TENM1: variants seen among roughly 807,000 people sequenced by gnomAD.
The protein encoded by TENM1 is teneurin-1.
Under a neutral mutation model 174.8 loss-of-function variants are expected in TENM1, and 35 were observed. The observed-to-expected ratio is 0.20, with a 90% CI of 0.15 to 0.27. TENM1 has a LOEUF of 0.27. TENM1 is among the 10% of genes least tolerant of loss of function. The pLI, the probability that TENM1 is intolerant of heterozygous loss-of-function variation, is 1.00. For missense variants in TENM1, 1,633 were observed against 2,130.1 expected (o/e 0.77, Z 4.59); for synonymous variants, 781 against 798.7 (o/e 0.98, Z 0.37).
intron 3 of TENM1, among the ~76,000 whole-genome samples, chrX:124,781,620 A>G (rs2054914308): frequency 9.0e-6 from 1 of 111,408 alleles, no homozygotes; most frequent in African/African-American, 3.3e-5. Flanking sequence ...CTAGGCTATC[A>G]ACCTATTGCT....
the TENM1 span, among the ~76,000 whole-genome samples, chrX:124,984,764 T>G: frequency 2.8e-4 from 32 of 112,360 alleles, no homozygotes; most frequent in Middle Eastern, 4.7e-3. Flanking sequence ...ATATCACTGG[T>G]AGCTGGAACA....
At chrX:124,715,864 T>C (rs1248615629) in intron 4 of TENM1, among the ~76,000 whole-genome samples, 1 of 111,276 alleles carries the variant, frequency 9.0e-6, no homozygotes, top group Non-Finnish European at 1.9e-5. Flanking sequence ...GTATCATTTA[T>C]TTTTATTGAG....
At chrX:124,896,189 G>A (rs1318040286) in exon 2 of TENM1, 5 of 1,211,099 alleles carry the variant, frequency 4.1e-6, no homozygotes, top group Admixed American at 2.2e-5. Flanking sequence ...CGCTGTGCAT[G>A]TCTGTTTGGT....
chrX:124,580,011 A>G (rs2858408), intron 11 of TENM1, among the ~76,000 whole-genome samples: 28,306 of 110,566 alleles, frequency 0.26, 2,782 homozygotes, highest in South Asian at 0.44. Flanking sequence ...GCATATGGAT[A>G]GGCATTTACT....
At chrX:124,477,231 T>C (rs2046745830) in intron 22 of TENM1, among the ~76,000 whole-genome samples, 2 of 112,502 alleles carry the variant, frequency 1.8e-5, no homozygotes, top group Non-Finnish European at 3.8e-5. Context: ...AGTGACAAGG[T>C]TTCCTGGAGA....
chrX:124,648,832 T>C (rs1227116499), intron 8 of TENM1, among the ~76,000 whole-genome samples: 3 of 112,178 alleles, frequency 2.7e-5, no homozygotes, highest in African/African-American at 6.5e-5. Flanking sequence ...CTTGTGGGAA[T>C]GTAGCTCTTC....
Position 124,420,304 on chromosome X carries a change from A to C in TENM1, c.4982+7T>G. 1 of 1,190,779 alleles carries C rather than the reference A, an allele frequency of 8.4e-7. No homozygotes were observed. The highest frequency in any genetic ancestry group is 1.1e-6 in the Non-Finnish European group (1 of 883,732). On this transcript the variant is annotated splice_region_variant and intron_variant, in intron 25 of 31. Transcript: ENST00000422452. ...AACAAAGCCCATGTCAAGAATTAGA[A>C]ACTTACTCATAAACGGTTGTCCATC...
chrX:124,998,938 G>T, the TENM1 span, among the ~76,000 whole-genome samples: 1 of 111,270 alleles, frequency 9.0e-6, no homozygotes, highest in African/African-American at 3.3e-5. Context: ...TTCACTAGGA[G>T]GAATCTTTCT....
chrX:124,465,291 C>A (rs771531528), intron 22 of TENM1, among the ~76,000 whole-genome samples: 1 of 111,923 alleles, frequency 8.9e-6, no homozygotes. Flanking sequence ...CTCTGTCGCC[C>A]AGGCTGGAGT....
chrX:124,409,380 A>C (rs1372657590), intron 25 of TENM1, among the ~76,000 whole-genome samples: 1 of 108,515 alleles, frequency 9.2e-6, no homozygotes, highest in African/African-American at 3.4e-5. Flanking sequence ...ATCTCAAAAT[A>C]ATAAGAGCTA....
At chrX:124,903,770 G>T (rs1164545574) in intron 1 of TENM1, among the ~76,000 whole-genome samples, 1 of 111,838 alleles carries the variant, frequency 8.9e-6, no homozygotes, top group Non-Finnish European at 1.9e-5. Flanking sequence ...GACTTCAACA[G>T]AAATTTAGAT....
the TENM1 span, among the ~76,000 whole-genome samples, chrX:125,111,616 G>T: frequency 2.2e-4 from 25 of 111,314 alleles, no homozygotes; most frequent in Non-Finnish European, 4.7e-4. Context: ...TTCAAAGGTA[G>T]GTATAATTAT....
At position 124,416,832 on chromosome X, in the gene TENM1, A is replaced by C. The variant is rs184523411; in HGVS notation, c.4982+3479T>G. ...GAGGCCTTTAGGAGGTGATTAGGTC[A>C]TGTTGTCTCTGCCTTCATGAATGCA... On this transcript the variant is annotated intron_variant, in intron 25 of 31. Coordinates refer to ENST00000422452, the Ensembl canonical transcript of TENM1. Among the ~76,000 whole-genome samples the C allele has an allele frequency of 2.0e-4, 22 of 111,882 alleles. No individual in the cohort carries two copies. The Admixed American group carries it at 2.0e-3, about 10-fold the overall frequency.
chrX:124,563,050 A>G (rs2048855842), intron 13 of TENM1, among the ~76,000 whole-genome samples: 1 of 112,170 alleles, frequency 8.9e-6, no homozygotes, highest in Admixed American at 9.5e-5. Context: ...GACATGGCAT[A>G]TGATAAACAT....
Position 124,956,911 on chromosome X carries a change from GCAAA to G in TENM1, c.217+6622_217+6625del, listed in dbSNP as rs777574026. On this transcript the variant is annotated intron_variant, in intron 1 of 31. Transcript: ENST00000422452. ...TGATATCTAAACTGTCTACATATAA[GCAAA>G]CAATCATTTAAACTACTGCTAAATG... Among the ~76,000 whole-genome samples, 25 of 112,260 alleles carry G rather than the reference GCAAA, an allele frequency of 2.2e-4. No individual in the cohort carries two copies. The East Asian group carries it at 6.5e-3, about 29-fold the overall frequency.
At chrX:125,107,115 T>C in the TENM1 span, among the ~76,000 whole-genome samples, 1 of 112,195 alleles carries the variant, frequency 8.9e-6, no homozygotes, top group Non-Finnish European at 1.9e-5. Flanking sequence ...ATTTGCGTGG[T>C]TGGATATACT....
At chrX:124,703,100 A>G (rs1164790177) in intron 5 of TENM1, among the ~76,000 whole-genome samples, 2 of 111,564 alleles carry the variant, frequency 1.8e-5, no homozygotes, top group Non-Finnish European at 3.8e-5. Context: ...TGCTTTACTT[A>G]TATTAACTCA....
At chrX:124,774,059 G>C (rs2054723667) in intron 3 of TENM1, among the ~76,000 whole-genome samples, 1 of 111,970 alleles carries the variant, frequency 8.9e-6, no homozygotes, top group Admixed American at 9.5e-5. Flanking sequence ...CAAACTATAA[G>C]ATTAGGTCCC....
At chrX:124,425,148 A>G (rs909689724) in intron 23 of TENM1, among the ~76,000 whole-genome samples, 4 of 112,166 alleles carry the variant, frequency 3.6e-5, no homozygotes, top group Non-Finnish European at 5.6e-5. Flanking sequence ...TCATCTGTCG[A>G]TAGACACTTA....
Sources: allele counts gnomAD v4.1 joint callset (sites outside exome capture counted in the v4.1 genomes callset), GRCh38; gene constraint gnomAD v4.1.1; transcripts MANE v1.5; gene names NCBI Gene and HGNC (gene_info 2026-07-23, HGNC 2026-07-21).